TMEM212: variants seen among roughly 807,000 people sequenced by gnomAD.
The protein encoded by TMEM212 is transmembrane protein 212.
Under a neutral mutation model 20.5 loss-of-function variants are expected in TMEM212, and 23 were observed. The ratio of observed to expected loss-of-function variants is 1.12; its 90% CI spans 0.81 to 1.59. The LOEUF is 1.59. TMEM212 is among the 40% of genes most tolerant of loss of function. TMEM212 has a pLI of 0.00. For synonymous variants in TMEM212, 76 were observed against 81.6 expected, an observed-to-expected ratio of 0.93 and a Z score of 0.37; for missense variants, 211 against 215.0, an observed-to-expected ratio of 0.98 and a Z score of 0.12.
intron 1 of TMEM212, among the ~76,000 whole-genome samples, chr3:171,845,157 G>C (rs1724803629): frequency 6.6e-6 from 1 of 152,124 alleles, no homozygotes; most frequent in Non-Finnish European, 1.5e-5. Flanking sequence ...TGCAGAGATG[G>C]CAGTTACACT....
rs1560327460 is a variant in TMEM212 at position 171,853,712 on chromosome 3, T to C, written c.405T>C (p.Cys135=). ...PYPYAKFPLA[C]VDPPHYEEYH... ...CATATGCAAAATTCCCATTAGCCTGTGTGGACCCACCACACTACGAAGAGT... is the reference window on the plus strand; with the variant it reads ...CATATGCAAAATTCCCATTAGCCTGCGTGGACCCACCACACTACGAAGAGT... The change falls in exon 3 of 5, where the codon TGT becomes TGC. Residue 135 remains cysteine, a synonymous_variant. Coordinates refer to ENST00000334567, the MANE Select transcript of TMEM212 (RefSeq NM_001164436.2). The C allele has an allele frequency of 1.3e-6, 2 of 1,537,532 alleles. No homozygotes were observed. Among genetic ancestry groups the C allele is most frequent in the East Asian group, 4.9e-5 (2 of 40,914 alleles).
chr3:171,853,208 T>C (rs536750742), intron 2 of TMEM212, among the ~76,000 whole-genome samples: 40 of 152,032 alleles, frequency 2.6e-4, no homozygotes, highest in Non-Finnish European at 5.0e-4. Context: ...AGCTAATGGG[T>C]GCTGGGCTTA....
intron 3 of TMEM212, among the ~76,000 whole-genome samples, chr3:171,855,696 T>C (rs1399437715): frequency 6.6e-6 from 1 of 152,150 alleles, no homozygotes; most frequent in Non-Finnish European, 1.5e-5. Flanking sequence ...TGGACTGGTA[T>C]AAGTTAGCTC....
chr3:171,856,385 T>G (rs1378299141), intron 3 of TMEM212, among the ~76,000 whole-genome samples: 1 of 152,188 alleles, frequency 6.6e-6, no homozygotes, highest in African/African-American at 2.4e-5. Context: ...TAAGTGACAC[T>G]GTAAGTGCTG....
chr3:171,855,807 T>G (rs778310028), intron 3 of TMEM212, among the ~76,000 whole-genome samples: 1 of 152,212 alleles, frequency 6.6e-6, no homozygotes, highest in Non-Finnish European at 1.5e-5. Context: ...CTTAAAGTCA[T>G]GTTAAACCCT....
intron 2 of TMEM212, among the ~76,000 whole-genome samples, chr3:171,852,828 C>T (rs1462185771): frequency 1.3e-5 from 2 of 152,208 alleles, no homozygotes; most frequent in African/African-American, 2.4e-5. Context: ...ATGGCTAACA[C>T]AGGGCTTCTC....
chr3:171,845,305 A>T (rs1724807228), intron 1 of TMEM212, among the ~76,000 whole-genome samples: 1 of 152,174 alleles, frequency 6.6e-6, no homozygotes, highest in South Asian at 2.1e-4. Flanking sequence ...ATGTATATAC[A>T]TGTATAGTAG....
intron 1 of TMEM212, among the ~76,000 whole-genome samples, chr3:171,847,838 G>A (rs973858427): frequency 2.0e-5 from 3 of 152,034 alleles, no homozygotes. Flanking sequence ...CAGATATTGA[G>A]ACTAGGGGGG....
At chr3:171,843,868 A>C (rs1724771186) in intron 1 of TMEM212, among the ~76,000 whole-genome samples, 1 of 152,186 alleles carries the variant, frequency 6.6e-6, no homozygotes, top group South Asian at 2.1e-4. Flanking sequence ...GTGAATTTTG[A>C]ATTTAGAAAA....
At chr3:171,855,934 A>G (rs1443071638) in intron 3 of TMEM212, among the ~76,000 whole-genome samples, 1 of 152,210 alleles carries the variant, frequency 6.6e-6, no homozygotes, top group African/African-American at 2.4e-5. Flanking sequence ...TTAAAAAAGG[A>G]AAATAGTTTT....
rs1015970603 is a variant in TMEM212 at position 171,858,736 on chromosome 3, A to C, written c.*679A>C. On this transcript the variant is annotated 3_prime_UTR_variant, in exon 5 of 5. Transcript: ENST00000334567. Reference sequence around the variant, plus strand: ...TAAACAAATTTACAAGAAAAAAACAAACAACCACATCAAAAAGTAGGCAAA... The same window carrying C: ...TAAACAAATTTACAAGAAAAAAACACACAACCACATCAAAAAGTAGGCAAA... The C allele has an allele frequency of 6.6e-6, 1 of 152,190 alleles. No homozygotes were observed. Among genetic ancestry groups the C allele is most frequent in the Admixed American group, 6.6e-5 (1 of 15,264 alleles). The allele number at this position is 152,190 out of a possible 1,614,324, so 9.4% of individuals were successfully genotyped here. A position where few individuals can be genotyped will look rare whatever the true frequency, so the allele number is the denominator to read the frequency against.
intron 1 of TMEM212, 114 bp from the exon 2 acceptor site, chr3:171,851,868 T>A: frequency 1.1e-6 from 1 of 919,492 alleles, no homozygotes; most frequent in Non-Finnish European, 1.7e-6. Flanking sequence ...ATCCACTGAG[T>A]CATTTTCTGT....
At position 171,859,100 on chromosome 3, in the gene TMEM212, T is replaced by C. The variant is rs1725190888; in HGVS notation, c.*1043T>C. On this transcript the variant is annotated 3_prime_UTR_variant, in exon 5 of 5. Transcript: ENST00000334567. Reference sequence around the variant, plus strand: ...TCACTCATAGGTGGGAATTGAACAATGGGAACACTTGGACACAGGGTGGGG... The same window carrying C: ...TCACTCATAGGTGGGAATTGAACAACGGGAACACTTGGACACAGGGTGGGG... 6.6e-6 allele frequency: 1 copy of C among 151,882 alleles called. No individual in the cohort carries two copies. The highest frequency in any genetic ancestry group is 1.9e-4 in the East Asian group (1 of 5,182). The allele number at this position is 151,882 out of a possible 1,614,324, so 9.4% of individuals were successfully genotyped here.
intron 1 of TMEM212, among the ~76,000 whole-genome samples, chr3:171,844,144 G>A (rs73178233): frequency 3.9e-5 from 6 of 152,208 alleles, no homozygotes; most frequent in East Asian, 1.9e-4. Flanking sequence ...CAAGTACAGC[G>A]TACGACACTA....
chr3:171,845,275 A>G (rs1161642713), intron 1 of TMEM212, among the ~76,000 whole-genome samples: 1 of 152,204 alleles, frequency 6.6e-6, no homozygotes, highest in East Asian at 1.9e-4. Flanking sequence ...TCTCTAGATA[A>G]ATAGATATCT....
chr3:171,854,633 A>G (rs1475739705), intron 3 of TMEM212, among the ~76,000 whole-genome samples: 4 of 152,224 alleles, frequency 2.6e-5, no homozygotes, highest in African/African-American at 9.6e-5. Context: ...TTTCACAGAA[A>G]TAGAACACAT....
At chr3:171,855,703 G>T (rs555768664) in intron 3 of TMEM212, among the ~76,000 whole-genome samples, 3 of 152,084 alleles carry the variant, frequency 2.0e-5, no homozygotes, top group African/African-American at 7.2e-5. Context: ...GTATAAGTTA[G>T]CTCAGATGTC....
chr3:171,855,985 G>A (rs1725105312), intron 3 of TMEM212, among the ~76,000 whole-genome samples: 1 of 152,074 alleles, frequency 6.6e-6, no homozygotes, highest in Non-Finnish European at 1.5e-5. Context: ...GCTTTAAAAT[G>A]AAGGAAAAAG....
intron 1 of TMEM212, among the ~76,000 whole-genome samples, chr3:171,845,709 G>A (rs1199316365): frequency 6.6e-6 from 1 of 152,180 alleles, no homozygotes; most frequent in Non-Finnish European, 1.5e-5. Context: ...ATTTAGAGAA[G>A]TGGACCTGTT....
Sources: gnomAD v4.1 joint callset for allele counts (sites outside exome capture counted in the v4.1 genomes callset) on GRCh38, gnomAD v4.1.1 for gene constraint, MANE v1.5 for transcripts, NCBI Gene and HGNC (gene_info 2026-07-23, HGNC 2026-07-21) for gene names.